NSL1: variants seen among roughly 807,000 people sequenced by gnomAD.
The protein encoded by NSL1 is NSL1 component of MIS12 kinetochore complex, also known as kinetochore-associated protein NSL1 homolog.
A neutral mutation model predicts 25.4 loss-of-function variants in NSL1; 11 were observed. The observed-to-expected ratio is 0.43, with a 90% CI of 0.27 to 0.72. The LOEUF (loss-of-function observed/expected upper bound fraction) is 0.72, where lower values mean the gene tolerates loss of function less well. NSL1 is among the 30% of genes least tolerant of loss of function. The pLI is 0.19. For missense variants in NSL1, 330 were observed against 342.7 expected, an observed-to-expected ratio of 0.96 and a Z score of 0.29; for synonymous variants, 118 against 120.6, an observed-to-expected ratio of 0.98 and a Z score of 0.14.
At chr1:212,745,190 A>AC (rs1489395474) in intron 4 of NSL1, among the ~76,000 whole-genome samples, 472 of 22,390 alleles carry the variant, frequency 0.021, 13 homozygotes, top group Non-Finnish European at 0.04. Flanking sequence ...ATATATATAT[A>AC]TATATATATA....
intron 4 of NSL1, among the ~76,000 whole-genome samples, chr1:212,768,319 C>CAA (rs34528216): frequency 0.023 from 1,594 of 68,710 alleles, 86 homozygotes; most frequent in African/African-American, 0.072. Flanking sequence ...GACTCCGTCT[C>CAA]AAAAAAAAAA....
In NSL1 at chr1:212,766,530, A is replaced by G. The variant is rs186608832; in HGVS notation, c.499+15842T>C. On this transcript the variant is annotated intron_variant, in intron 4 of 5. Transcript: ENST00000366977. ...CATGGTGGCAGGCGCCTGTAGTCCC[A>G]GCTCCTTGGGAGGCTGAGGCAGGAG... Among the ~76,000 whole-genome samples, 818 of 151,944 alleles carry G rather than the reference A, an allele frequency of 5.4e-3. 6 individuals are homozygous for G. Among genetic ancestry groups the G allele is most frequent in the African/African-American group, 0.019 (778 of 41,440 alleles).
At chr1:212,766,066 G>A in intron 4 of NSL1, 2 of 368,150 alleles carry the variant, frequency 5.4e-6, no homozygotes, top group Middle Eastern at 4.5e-4. Flanking sequence ...AACCTGGGAG[G>A]TGGAGCTTGC....
rs1376508972 is a variant in NSL1 at position 212,731,741 on chromosome 1, T to C, written c.*6667A>G. ...TCCACTGACTTCCAGTTGTGGTGGG[T>C]GAAGATTTCACTCCCCACTGCCATG... On this transcript the variant is annotated 3_prime_UTR_variant, in exon 6 of 6. Coordinates refer to ENST00000366977, the MANE Select transcript of NSL1 (RefSeq NM_015471.4). 2.0e-6 allele frequency: 2 copies of C among 985,274 alleles called. No individual in the cohort carries two copies. Among genetic ancestry groups the C allele is most frequent in the Non-Finnish European group, 2.4e-6 (2 of 829,910 alleles). The allele number at this position is 985,274 out of a possible 1,614,324, so 61.0% of individuals were successfully genotyped here.
At chr1:212,762,173 C>CTA (rs1659601074) in intron 4 of NSL1, among the ~76,000 whole-genome samples, 1 of 151,668 alleles carries the variant, frequency 6.6e-6, no homozygotes, top group Admixed American at 6.6e-5. Context: ...TTGCGCATGC[C>CTA]TATAATCTCA....
Position 212,732,006 on chromosome 1 carries a change from G to C in NSL1, c.*6402C>G. On this transcript the variant is annotated 3_prime_UTR_variant, in exon 6 of 6. Coordinates refer to ENST00000366977, the MANE Select transcript of NSL1 (RefSeq NM_015471.4). ...ACTAATTGCTAATTCCCATCCTTTA[G>C]CCTCCCAGTGTAACTGTCCCAATTT... The C allele has an allele frequency of 3.1e-6, 3 of 982,168 alleles. No individual in the cohort carries two copies. The highest frequency in any genetic ancestry group is 3.6e-6 in the Non-Finnish European group (3 of 829,354). 60.8% of individuals were successfully genotyped at this position (982,168 alleles called of 1,614,324 possible). A position where few individuals can be genotyped will look rare whatever the true frequency, so the allele number is the denominator to read the frequency against.
intron 4 of NSL1, among the ~76,000 whole-genome samples, chr1:212,775,121 G>C (rs547317804): frequency 6.6e-6 from 1 of 152,268 alleles, no homozygotes; most frequent in African/African-American, 2.4e-5. Flanking sequence ...AAAGCATTAT[G>C]CTAATTGAAA....
chr1:212,732,357 G>A lies in NSL1; in HGVS notation c.*6051C>T. The A allele has an allele frequency of 1.3e-6, 1 of 770,958 alleles. No homozygotes were observed. The highest frequency in any genetic ancestry group is 1.6e-6 in the Non-Finnish European group (1 of 640,848). 47.8% of individuals were successfully genotyped at this position (770,958 alleles called of 1,614,324 possible). On this transcript the variant is annotated 3_prime_UTR_variant, in exon 6 of 6. Transcript: ENST00000366977. ...GATGAAGTTTCGTTCTTGTTGCCCA[G>A]GCTGGAGTGCGATGGCGTGATCTTG...
At chr1:212,758,237 A>G (rs1457964687) in intron 4 of NSL1, among the ~76,000 whole-genome samples, 2 of 152,242 alleles carry the variant, frequency 1.3e-5, no homozygotes, top group African/African-American at 2.4e-5. Context: ...AGCATTAAGA[A>G]TATAGAGAAA....
intron 4 of NSL1, among the ~76,000 whole-genome samples, chr1:212,758,303 CT>C (rs1659407175): frequency 6.6e-6 from 1 of 152,132 alleles, no homozygotes; most frequent in South Asian, 2.1e-4. Context: ...TAATCAGATT[CT>C]CAAGACACTG....
rs573059158 is a variant in NSL1 at position 212,737,229 on chromosome 1, G to T, written c.*1179C>A. On this transcript the variant is annotated 3_prime_UTR_variant, in exon 6 of 6. Coordinates refer to ENST00000366977, the MANE Select transcript of NSL1 (RefSeq NM_015471.4). ...TGTACAAATATACAGATCTCAAACT[G>T]TAACACTGAAACACAAAATGCAACA... The T allele has an allele frequency of 2.0e-6, 2 of 985,310 alleles. No homozygotes were observed. Among genetic ancestry groups the T allele is most frequent in the South Asian group, 9.4e-5 (2 of 21,290 alleles). The allele number at this position is 985,310 out of a possible 1,614,324, so 61.0% of individuals were successfully genotyped here.
chr1:212,738,266 A>C lies in NSL1; in HGVS notation c.*142T>G. 1 of 1,430,944 alleles carries C rather than the reference A, an allele frequency of 7.0e-7. No individual in the cohort carries two copies. Among genetic ancestry groups the C allele is most frequent in the East Asian group, 2.4e-5 (1 of 41,078 alleles). The allele number at this position is 1,430,944 out of a possible 1,614,324, so 88.6% of individuals were successfully genotyped here. ...ACAATATTATATCATATCCCCGCAC[A>C]GAGATACTATATCTGTATAAATGAA... On this transcript the variant is annotated 3_prime_UTR_variant, in exon 6 of 6. Coordinates refer to ENST00000366977, the MANE Select transcript of NSL1 (RefSeq NM_015471.4).
At position 212,737,397 on chromosome 1, in the gene NSL1, G is replaced by C; in HGVS notation, c.*1011C>G. On this transcript the variant is annotated 3_prime_UTR_variant, in exon 6 of 6. Coordinates refer to ENST00000366977, the MANE Select transcript of NSL1 (RefSeq NM_015471.4). ...TGATCAGTAAATTCCTTTGAAAAAT[G>C]AATGAAGGTATCAGAGTCATCAAAA... 1.0e-6 allele frequency: 1 copy of C among 984,858 alleles called. No individual in the cohort carries two copies. Among genetic ancestry groups the C allele is most frequent in the Non-Finnish European group, 1.2e-6 (1 of 829,442 alleles). The allele number at this position is 984,858 out of a possible 1,614,324, so 61.0% of individuals were successfully genotyped here. A position where few individuals can be genotyped will look rare whatever the true frequency, so the allele number is the denominator to read the frequency against.
At chr1:212,782,511 TAG>T in intron 3 of NSL1, 85 bp from the exon 4 acceptor site, 1 of 955,250 alleles carries the variant, frequency 1.0e-6, no homozygotes, top group East Asian at 2.4e-5. Context: ...AGATATACTA[TAG>T]AGTCAGTACC....
chr1:212,744,074 C>T (rs1191266153), intron 4 of NSL1, among the ~76,000 whole-genome samples: 1 of 152,130 alleles, frequency 6.6e-6, no homozygotes, highest in Non-Finnish European at 1.5e-5. Context: ...GCAGATGCAG[C>T]GTGCAGCACA....
In NSL1 at chr1:212,729,367, G is replaced by C; in HGVS notation, c.*9041C>G. On this transcript the variant is annotated 3_prime_UTR_variant, in exon 6 of 6. Transcript: ENST00000366977. ...GCAGGGTCTGTGCCTTGGTTTACAG[G>C]TGTACATCCACACAGCTCTTAGCAC... The C allele has an allele frequency of 1.0e-6, 1 of 980,914 alleles. No individual in the cohort carries two copies. The highest frequency in any genetic ancestry group is 1.2e-6 in the Non-Finnish European group (1 of 825,852). The allele number at this position is 980,914 out of a possible 1,614,324, so 60.8% of individuals were successfully genotyped here. A position where few individuals can be genotyped will look rare whatever the true frequency, so the allele number is the denominator to read the frequency against.
intron 4 of NSL1, among the ~76,000 whole-genome samples, chr1:212,758,926 T>G (rs1571886709): frequency 1.3e-5 from 2 of 152,198 alleles, no homozygotes; most frequent in African/African-American, 4.8e-5. Flanking sequence ...AGTAGTGGCC[T>G]AAGGACAGAC....
chr1:212,789,753 C>T (rs1222603425), intron 1 of NSL1, among the ~76,000 whole-genome samples: 8 of 152,174 alleles, frequency 5.3e-5, no homozygotes, highest in Admixed American at 4.6e-4. Flanking sequence ...ACTTTATCGT[C>T]CCACTAAATA....
At position 212,733,357 on chromosome 1, in the gene NSL1, C is replaced by A. The variant is rs115111232; in HGVS notation, c.*5051G>T. 3.8e-3 allele frequency among the ~76,000 whole-genome samples: 560 copies of A among 147,660 alleles called. 5 individuals carry two copies. The highest frequency in any genetic ancestry group is 0.012 in the African/African-American group (492 of 40,424). ...TAAGGTGGGAGGATGGCTTGAGTTG[C>A]GGGGGCAGAGGTTGCAGTAAGCCAA... On this transcript the variant is annotated 3_prime_UTR_variant, in exon 6 of 6. Coordinates refer to ENST00000366977, the MANE Select transcript of NSL1 (RefSeq NM_015471.4).
Sources: gnomAD v4.1 joint callset for allele counts (sites outside exome capture counted in the v4.1 genomes callset) on GRCh38, gnomAD v4.1.1 for gene constraint, MANE v1.5 for transcripts, NCBI Gene and HGNC (gene_info 2026-07-23, HGNC 2026-07-21) for gene names.